The following USP50 variants were observed in gnomAD, a reference collection of about 807,000 sequenced individuals.
USP50 encodes the protein ubiquitin carboxyl-terminal hydrolase 50.
In USP50, 37 loss-of-function variants were observed where a neutral mutation model predicts 39.2. The ratio of observed to expected loss-of-function variants is 0.94; its 90% CI spans 0.73 to 1.24. The LOEUF (loss-of-function observed/expected upper bound fraction) is 1.24. Ranked by LOEUF, USP50 falls within the 50% of genes most tolerant of loss-of-function variation. The pLI, the probability that USP50 is intolerant of heterozygous loss-of-function variation, is 0.00. For missense variants in USP50, 374 were observed against 398.2 expected (o/e 0.94, Z 0.52); for synonymous variants, 139 against 144.5 (o/e 0.96, Z 0.27).
intron 6 of USP50, among the ~76,000 whole-genome samples, chr15:50,520,241 T>C (rs982185672): frequency 1.3e-5 from 2 of 151,632 alleles, no homozygotes; most frequent in African/African-American, 4.8e-5. Flanking sequence ...CCCAGGAATT[T>C]GCGGTTGTAA....
chr15:50,523,179 T>TTTTTTTTTG (rs2052864410), intron 6 of USP50, among the ~76,000 whole-genome samples: 2 of 143,566 alleles, frequency 1.4e-5, no homozygotes, highest in African/African-American at 5.2e-5. Context: ...CAGTAGCTTT[T>TTTTTTTTTG]TTTTTTTTTT....
intron 5 of USP50, among the ~76,000 whole-genome samples, chr15:50,537,638 C>T (rs1248700311): frequency 6.6e-6 from 1 of 151,022 alleles, no homozygotes; most frequent in African/African-American, 2.4e-5. Context: ...GTGGGCAGAT[C>T]GCCTGAGCTC....
chr15:50,498,687 C>G (rs900013674), downstream of USP50: 12 of 1,612,084 alleles, frequency 7.4e-6, no homozygotes, highest in Non-Finnish European at 9.3e-6. Context: ...TGTTATTGGT[C>G]CAAAGAACAA....
downstream of USP50, chr15:50,500,063 A>G (rs1566897704): frequency 6.6e-6 from 1 of 152,128 alleles, no homozygotes; most frequent in Non-Finnish European, 1.5e-5. Context: ...CTCAGTTGCT[A>G]TATATATAGT....
intron 6 of USP50, 40 bp from the exon 7 acceptor site, chr15:50,500,877 GAACACT>G: frequency 6.8e-7 from 1 of 1,466,996 alleles, no homozygotes; most frequent in African/African-American, 1.4e-5. Context: ...ATTCACATAT[GAACACT>G]AACTACTGGA....
At position 50,516,298 on chromosome 15, in the gene USP50, A is replaced by AAAAC. The variant is rs572753139; in HGVS notation, c.936+13495_936+13498dup. Among the ~76,000 whole-genome samples the AAAAC allele has an allele frequency of 3.3e-3, 496 of 152,272 alleles. 1 individual carries two copies. Among genetic ancestry groups the AAAAC allele is most frequent in the Admixed American group, 6.3e-3 (97 of 15,282 alleles). On this transcript the variant is annotated intron_variant, in intron 6 of 6. Transcript: ENST00000532404. ...ATTATTACCTTAAGTGTAAATGGAT[A>AAAAC]AAACAAACAAACAAACAAACATGCC...
downstream of USP50, chr15:50,493,160 T>C (rs887396222): frequency 1.7e-6 from 1 of 579,314 alleles, no homozygotes; most frequent in Admixed American, 2.2e-5. Flanking sequence ...GACAGACTCG[T>C]CCTGTCGAGC....
At chr15:50,500,051 G>GACTC (rs980216979), downstream of USP50, 9 of 151,828 alleles carry the variant, frequency 5.9e-5, no homozygotes, top group African/African-American at 1.9e-4. Context: ...TTAACCGAGG[G>GACTC]ACTCAGTTGC....
At chr15:50,525,636 G>GTATGTGTATATGTATATGTA in intron 6 of USP50, among the ~76,000 whole-genome samples, 1 of 94,916 alleles carries the variant, frequency 1.1e-5, no homozygotes, top group African/African-American at 4.5e-5. Flanking sequence ...ATGTATATAT[G>GTATGTGTATATGTATATGTA]TATATGTGTA....
intron 2 of USP50, chr15:50,544,091 GC>G (rs1204001031): frequency 5.6e-6 from 2 of 358,760 alleles, no homozygotes; most frequent in Non-Finnish European, 1.0e-5. Context: ...ACTTTGGGGG[GC>G]CGAGGTGGTA....
intron 6 of USP50, among the ~76,000 whole-genome samples, chr15:50,514,994 T>TA (rs386382963): frequency 0.2 from 14,918 of 74,490 alleles, 1,869 homozygotes; most frequent in East Asian, 0.46. Context: ...AGACACAGTC[T>TA]AAAAAAAAAA....
downstream of USP50, chr15:50,496,879 AC>A (rs2052434353): frequency 2.0e-6 from 1 of 489,442 alleles, no homozygotes; most frequent in East Asian, 3.7e-5. Flanking sequence ...GTCACAACAC[AC>A]TGTAGGTAGC....
At chr15:50,523,243 A>C (rs949570423) in intron 6 of USP50, among the ~76,000 whole-genome samples, 6 of 144,294 alleles carry the variant, frequency 4.2e-5, no homozygotes, top group African/African-American at 1.5e-4. Flanking sequence ...CAGTGGCAAA[A>C]TCACAGCTCA....
At chr15:50,538,574 A>C in intron 5 of USP50, 135 bp downstream of exon 5, 1 of 1,011,892 alleles carries the variant, frequency 9.9e-7, no homozygotes, top group Non-Finnish European at 1.4e-6. Context: ...ATTTTATCAC[A>C]ATTTAAAAAC....
chr15:50,496,496 A>G (rs1480775792), downstream of USP50, among the ~76,000 whole-genome samples: 2 of 151,942 alleles, frequency 1.3e-5, no homozygotes, highest in African/African-American at 4.8e-5. Context: ...AAAAAAAAAA[A>G]AAAACCTTTT....
downstream of USP50, chr15:50,493,761 G>A: frequency 2.3e-6 from 1 of 444,006 alleles, no homozygotes; most frequent in Non-Finnish European, 4.2e-6. Flanking sequence ...AAAGAGTAAA[G>A]CCTTCTCTGA....
At chr15:50,500,502 A>C, downstream of USP50, 2 of 343,396 alleles carry the variant, frequency 5.8e-6, no homozygotes, top group Non-Finnish European at 1.1e-5. Context: ...CGACAGATTT[A>C]TCTTAAGATG....
At position 50,541,262 on chromosome 15, in the gene USP50, G is replaced by C. The variant is rs765643225; in HGVS notation, c.447C>G (p.Tyr149Ter). The change falls in exon 4 of 7, where the codon TAC (tyrosine) becomes TAG (stop). Residue 149 changes from tyrosine to a stop codon, truncating the protein, a stop_gained and splice_region_variant. Coordinates refer to ENST00000532404, the MANE Select transcript of USP50 (RefSeq NM_203494.5). LOFTEE classifies it high-confidence loss of function. ...CATATGATCTTCTCCGGGAGTAGTG[G>C]TACTGAATCAAGGAGCAAATTTCAC... ...LNELHEALKK[Y>*]HYSRRRSYEK... The C allele has an allele frequency of 6.2e-7, 1 of 1,612,196 alleles. No homozygotes were observed. The highest frequency in any genetic ancestry group is 1.7e-5 in the Admixed American group (1 of 59,916).
downstream of USP50, chr15:50,500,203 C>CAATT (rs1566897856): frequency 1.3e-5 from 2 of 152,190 alleles, no homozygotes; most frequent in East Asian, 1.9e-4. Context: ...TCATGTTTTA[C>CAATT]AATTAGTCTA....
Sources: allele counts gnomAD v4.1 joint callset (sites outside exome capture counted in the v4.1 genomes callset), GRCh38; gene constraint gnomAD v4.1.1; transcripts MANE v1.5; gene names NCBI Gene and HGNC (gene_info 2026-07-23, HGNC 2026-07-21).